The following SPECC1 variants were observed in gnomAD, a reference collection of about 807,000 sequenced individuals.
The protein encoded by SPECC1 is cytospin-B.
A neutral mutation model predicts 104.1 loss-of-function variants in SPECC1; 62 were observed. The ratio of observed to expected loss-of-function variants is 0.60; its 90% CI spans 0.49 to 0.74. The LOEUF (loss-of-function observed/expected upper bound fraction) is 0.74, where lower values mean the gene tolerates loss of function less well. Ranked by LOEUF, SPECC1 falls within the 30% of genes least tolerant of loss-of-function variation. The probability of loss-of-function intolerance (pLI) is 0.00; values close to 1 mark genes in which losing one functional copy is unlikely to be tolerated. For missense variants in SPECC1, 1,306 were observed against 1,310.5 expected (o/e 1.00, Z 0.05); for synonymous variants, 513 against 501.6 (o/e 1.02, Z -0.30).
chr17:20,024,334 A>G (rs2044515435), intron 1 of SPECC1, among the ~76,000 whole-genome samples: 1 of 151,764 alleles, frequency 6.6e-6, no homozygotes, highest in African/African-American at 2.4e-5. Flanking sequence ...GTCCTTTGTG[A>G]ATCCATTCTT....
chr17:20,124,447 T>C (rs1178658116), intron 3 of SPECC1, among the ~76,000 whole-genome samples: 1 of 152,066 alleles, frequency 6.6e-6, no homozygotes, highest in African/African-American at 2.4e-5. Context: ...TGAAGAAGTG[T>C]TGGGGACTCA....
At chr17:20,286,376 A>G (rs2040946195) in intron 12 of SPECC1, among the ~76,000 whole-genome samples, 1 of 152,178 alleles carries the variant, frequency 6.6e-6, no homozygotes, top group Non-Finnish European at 1.5e-5. Context: ...TGAGTCTCAG[A>G]TGAGTGGTCC....
intron 1 of SPECC1, among the ~76,000 whole-genome samples, chr17:20,085,137 G>C (rs1352475518): frequency 6.6e-6 from 1 of 152,228 alleles, no homozygotes; most frequent in East Asian, 1.9e-4. Flanking sequence ...GCAGCTGCTG[G>C]TCATTTGCTG....
At chr17:20,224,081 G>C (rs2038062889) in intron 4 of SPECC1, among the ~76,000 whole-genome samples, 1 of 152,218 alleles carries the variant, frequency 6.6e-6, no homozygotes, top group Non-Finnish European at 1.5e-5. Flanking sequence ...CAGTAATGCT[G>C]TGATTCTTGC....
chr17:20,155,962 A>C, intron 3 of SPECC1: 1 of 1,257,880 alleles, frequency 7.9e-7, no homozygotes, highest in South Asian at 2.7e-5. Flanking sequence ...GATGCAGATG[A>C]AGGGGGCGGG....
chr17:20,094,398 T>G (rs1214030783), intron 1 of SPECC1, among the ~76,000 whole-genome samples: 1 of 152,130 alleles, frequency 6.6e-6, no homozygotes, highest in Non-Finnish European at 1.5e-5. Context: ...AGAGAGAAGT[T>G]TAGATCTTTT....
chr17:20,303,940 G>A (rs1421588110), intron 13 of SPECC1, among the ~76,000 whole-genome samples: 3 of 151,258 alleles, frequency 2.0e-5, no homozygotes, highest in Non-Finnish European at 4.4e-5. Context: ...GTGACACAGC[G>A]AGACTCCATC....
intron 3 of SPECC1, among the ~76,000 whole-genome samples, chr17:20,158,577 C>CAGAA (rs1567886788): frequency 6.6e-6 from 1 of 152,162 alleles, no homozygotes; most frequent in Admixed American, 6.5e-5. Flanking sequence ...AGAGGGGTCT[C>CAGAA]AGGTTGGGCA....
At chr17:20,229,535 G>A (rs961985315) in intron 5 of SPECC1, among the ~76,000 whole-genome samples, 2 of 152,150 alleles carry the variant, frequency 1.3e-5, no homozygotes, top group East Asian at 1.9e-4. Context: ...CTAGCCACGT[G>A]TGGTGGCGCA....
chr17:20,020,999 C>T (rs927135948), intron 1 of SPECC1, among the ~76,000 whole-genome samples: 15 of 152,262 alleles, frequency 9.9e-5, no homozygotes, highest in African/African-American at 3.1e-4. Flanking sequence ...AGTCAATTAA[C>T]ATTTATTTTG....
intron 1 of SPECC1, among the ~76,000 whole-genome samples, chr17:20,051,883 C>T (rs372961925): frequency 1.3e-5 from 2 of 152,156 alleles, no homozygotes; most frequent in African/African-American, 2.4e-5. Context: ...GAGTTTGATA[C>T]GTTCCTGTAC....
chr17:20,161,068 G>A (rs753139744), intron 3 of SPECC1, among the ~76,000 whole-genome samples: 1 of 152,114 alleles, frequency 6.6e-6, no homozygotes, highest in African/African-American at 2.4e-5. Flanking sequence ...AAAATTAGTC[G>A]AGTGCGGTGG....
At chr17:20,050,476 T>A (rs939080542) in intron 1 of SPECC1, among the ~76,000 whole-genome samples, 1 of 152,262 alleles carries the variant, frequency 6.6e-6, no homozygotes, top group African/African-American at 2.4e-5. Flanking sequence ...AAATATTTTT[T>A]AAAATGCAAA....
intron 2 of SPECC1, among the ~76,000 whole-genome samples, chr17:20,099,631 G>A (rs2047832273): frequency 7.0e-6 from 1 of 142,648 alleles, no homozygotes; most frequent in Non-Finnish European, 1.5e-5. Flanking sequence ...GGAGGCGGAG[G>A]TTGCAGTCAG....
chr17:20,252,206 T>A (rs1371876216), intron 9 of SPECC1, among the ~76,000 whole-genome samples: 1 of 152,162 alleles, frequency 6.6e-6, no homozygotes, highest in Non-Finnish European at 1.5e-5. Flanking sequence ...TATTAACAAA[T>A]TTTTAAGTAT....
intron 3 of SPECC1, among the ~76,000 whole-genome samples, chr17:20,183,214 A>T (rs937166325): frequency 4.6e-5 from 7 of 152,186 alleles, no homozygotes; most frequent in Non-Finnish European, 1.0e-4. Flanking sequence ...AATAACTTCC[A>T]GTGGTGGTAA....
chr17:20,065,023 A>G (rs894147093), intron 1 of SPECC1, among the ~76,000 whole-genome samples: 1 of 152,236 alleles, frequency 6.6e-6, no homozygotes, highest in African/African-American at 2.4e-5. Context: ...AGAGCAATGT[A>G]TTTCTAAACT....
intron 1 of SPECC1, among the ~76,000 whole-genome samples, chr17:20,021,691 T>G (rs1281259671): frequency 1.6e-5 from 2 of 122,456 alleles, no homozygotes; most frequent in African/African-American, 6.7e-5. Context: ...ATAATATATA[T>G]ATATATATAT....
chr17:20,258,717 C>T lies in SPECC1; in HGVS notation c.2837+1110C>T, dbSNP rs555890177. Among the ~76,000 whole-genome samples the T allele has an allele frequency of 3.3e-5, 5 of 152,348 alleles. No individual in the cohort carries two copies. The South Asian group carries it at 6.2e-4, about 19-fold the overall frequency. On this transcript the variant is annotated intron_variant, in intron 11 of 14. Transcript: ENST00000395527. ...TTATGTATAAGGTTCTAGCCTGAAT[C>T]GTTTTTCTTTTCTCCTTTCATACTC...
Sources: gnomAD v4.1 joint callset for allele counts (sites outside exome capture counted in the v4.1 genomes callset) on GRCh38, gnomAD v4.1.1 for gene constraint, MANE v1.5 for transcripts, NCBI Gene and HGNC (gene_info 2026-07-23, HGNC 2026-07-21) for gene names.